The following PTGES3 variants were observed in gnomAD, a reference collection of about 807,000 sequenced individuals.
PTGES3 encodes the protein Hsp90 co-chaperone.
PTGES3 carries 5 observed loss-of-function variants against 29.9 expected under a neutral mutation model. The ratio of observed to expected loss-of-function variants is 0.17; its 90% CI spans 0.09 to 0.35. The LOEUF is 0.35. PTGES3 is among the 10% of genes least tolerant of loss of function. PTGES3 has a pLI of 1.00. For synonymous variants in PTGES3, 49 were observed against 57.8 expected (o/e 0.85, Z 0.69); for missense variants, 128 against 190.0 (o/e 0.67, Z 1.92).
intron 5 of PTGES3, among the ~76,000 whole-genome samples, chr12:56,667,957 A>G (rs1460128366): frequency 2.6e-5 from 4 of 152,102 alleles, no homozygotes; most frequent in African/African-American, 9.7e-5. Flanking sequence ...AAAATACAAA[A>G]ATTAGCCGGG....
At position 56,664,255 on chromosome 12, in the gene PTGES3, A is replaced by G. The variant is rs1223636936; in HGVS notation, c.*224T>C. On this transcript the variant is annotated 3_prime_UTR_variant, in exon 8 of 8. Coordinates refer to ENST00000262033, the MANE Select transcript of PTGES3 (RefSeq NM_006601.7). ...CTTCATGAAAGTCTGGGAAATGTTC[A>G]TGCATAAGGTTATTGCCTTAGCTGA... 9.9e-5 allele frequency: 43 copies of G among 433,388 alleles called. No homozygotes were observed. Among genetic ancestry groups the G allele is most frequent in the Admixed American group, 4.6e-4 (10 of 21,868 alleles). 26.8% of individuals were successfully genotyped at this position (433,388 alleles called of 1,614,324 possible). A position where few individuals can be genotyped will look rare whatever the true frequency, so the allele number is the denominator to read the frequency against.
At chr12:56,678,571 A>T (rs910369887) in intron 1 of PTGES3, among the ~76,000 whole-genome samples, 1 of 152,192 alleles carries the variant, frequency 6.6e-6, no homozygotes, top group Admixed American at 6.6e-5. Context: ...AACTGTTTCC[A>T]TCTAGCTTCT....
At chr12:56,675,568 G>A (rs973905410) in intron 1 of PTGES3, among the ~76,000 whole-genome samples, 1 of 150,520 alleles carries the variant, frequency 6.6e-6, no homozygotes, top group Non-Finnish European at 1.5e-5. Flanking sequence ...GATATTTGTG[G>A]CCTGCAAAGC....
chr12:56,665,247 T>TA, intron 6 of PTGES3: 1 of 985,290 alleles, frequency 1.0e-6, no homozygotes, highest in Non-Finnish European at 1.2e-6. Context: ...GAAAAGTAGT[T>TA]TAGTGTATCT....
At position 56,688,202 on chromosome 12, in the gene PTGES3, G is replaced by A; in HGVS notation, c.-203C>T. On this transcript the variant is annotated 5_prime_UTR_variant, in exon 1 of 8. Transcript: ENST00000262033. ...ACCGCGCGGAAAGAGCGGCTCCTCC[G>A]GTCGGGGAGAAGAGGAAAGTGTAGG... 2 of 937,902 alleles carry A rather than the reference G, an allele frequency of 2.1e-6. No individual in the cohort carries two copies. The highest frequency in any genetic ancestry group is 1.7e-5 in the African/African-American group (1 of 57,234). The allele number at this position is 937,902 out of a possible 1,614,324, so 58.1% of individuals were successfully genotyped here.
intron 1 of PTGES3, among the ~76,000 whole-genome samples, chr12:56,673,893 G>A (rs543890945): frequency 1.2e-4 from 18 of 152,036 alleles, no homozygotes; most frequent in Non-Finnish European, 1.5e-5. Context: ...ACTTGAACCC[G>A]GGAGGTGGAG....
intron 1 of PTGES3, among the ~76,000 whole-genome samples, chr12:56,685,846 T>C (rs570434910): frequency 1.4e-5 from 2 of 144,796 alleles, no homozygotes; most frequent in African/African-American, 5.1e-5. Context: ...GCGCAATCTC[T>C]GCTCACTGAA....
chr12:56,668,850 A>ATC (rs1951882680), intron 5 of PTGES3, among the ~76,000 whole-genome samples: 1 of 152,136 alleles, frequency 6.6e-6, no homozygotes, highest in Non-Finnish European at 1.5e-5. Context: ...TTCTGTACTT[A>ATC]GTTTTATTCT....
At chr12:56,671,958 C>T (rs1350350911) in intron 3 of PTGES3, 111 bp from the exon 4 acceptor site, 4 of 571,388 alleles carry the variant, frequency 7.0e-6, no homozygotes, top group Non-Finnish European at 1.1e-5. Context: ...TTTCTCTGGA[C>T]TCTGAAACAT....
At chr12:56,673,412 T>C (rs1952083408) in intron 1 of PTGES3, among the ~76,000 whole-genome samples, 4 of 144,940 alleles carry the variant, frequency 2.8e-5, no homozygotes, top group South Asian at 2.2e-4. Flanking sequence ...GGTGGGTCAC[T>C]TGAGGCCAGG....
intron 1 of PTGES3, among the ~76,000 whole-genome samples, chr12:56,684,314 T>C (rs1952724703): frequency 6.6e-6 from 1 of 152,186 alleles, no homozygotes; most frequent in South Asian, 2.1e-4. Flanking sequence ...CAGTTTCTAC[T>C]GCCTTCTAGT....
rs1951704918 is a variant in PTGES3 at position 56,664,085 on chromosome 12, A to T, written c.*394T>A. On this transcript the variant is annotated 3_prime_UTR_variant, in exon 8 of 8. Coordinates refer to ENST00000262033, the MANE Select transcript of PTGES3 (RefSeq NM_006601.7). Reference sequence around the variant, plus strand: ...ATTTGTTCCAGTCACTTTTGAATCCATGTTCTATAATCTAAAATTTATTCT... The same window carrying T: ...ATTTGTTCCAGTCACTTTTGAATCCTTGTTCTATAATCTAAAATTTATTCT... 1 of 166,462 alleles carries T rather than the reference A, an allele frequency of 6.0e-6. No homozygotes were observed. Among genetic ancestry groups the T allele is most frequent in the Admixed American group, 6.5e-5 (1 of 15,432 alleles). The allele number at this position is 166,462 out of a possible 1,614,324, so 10.3% of individuals were successfully genotyped here. A position where few individuals can be genotyped will look rare whatever the true frequency, so the allele number is the denominator to read the frequency against.
chr12:56,679,827 A>G (rs1028513734), intron 1 of PTGES3, among the ~76,000 whole-genome samples: 1 of 151,958 alleles, frequency 6.6e-6, no homozygotes, highest in African/African-American at 2.4e-5. Context: ...GGTGCCTGCC[A>G]CCATGCCCGG....
chr12:56,664,857 C>A, intron 6 of PTGES3, 57 bp from the exon 7 acceptor site: 4 of 1,579,620 alleles, frequency 2.5e-6, no homozygotes, highest in Non-Finnish European at 3.4e-6. Flanking sequence ...GCTAACTGAA[C>A]AGTTTACCTA....
At position 56,684,807 on chromosome 12, in the gene PTGES3, C is replaced by T. The variant is rs570149750; in HGVS notation, c.2+3191G>A. ...TCCAAGATAGGTCCGAAATTAAGAG[C>T]TTTTATGTAAATTATGAGACAAACT... On this transcript the variant is annotated intron_variant, in intron 1 of 7. Coordinates refer to ENST00000262033, the MANE Select transcript of PTGES3 (RefSeq NM_006601.7). 5.3e-5 allele frequency among the ~76,000 whole-genome samples: 8 copies of T among 152,236 alleles called. No individual in the cohort carries two copies. The South Asian group carries it at 1.7e-3, about 32-fold the overall frequency.
At chr12:56,669,254 G>A (rs1951904554) in intron 5 of PTGES3, among the ~76,000 whole-genome samples, 3 of 152,038 alleles carry the variant, frequency 2.0e-5, no homozygotes, top group African/African-American at 7.2e-5. Flanking sequence ...GAGTGCAATA[G>A]CGATCTCGGC....
At chr12:56,682,322 G>A (rs1190315503) in intron 1 of PTGES3, among the ~76,000 whole-genome samples, 3 of 152,140 alleles carry the variant, frequency 2.0e-5, no homozygotes, top group Non-Finnish European at 2.9e-5. Context: ...ACTCTGGGAG[G>A]CTGAGGAGGG....
intron 1 of PTGES3, among the ~76,000 whole-genome samples, chr12:56,683,473 C>CAAAA (rs71081388): frequency 0.032 from 960 of 29,732 alleles, 175 homozygotes; most frequent in African/African-American, 0.064. Context: ...AACTCTGTCT[C>CAAAA]AAAAAAAAAA....
At chr12:56,679,547 T>C (rs1287293030) in intron 1 of PTGES3, among the ~76,000 whole-genome samples, 1 of 152,106 alleles carries the variant, frequency 6.6e-6, no homozygotes. Context: ...TTAAAATGAA[T>C]TAACAGTCTT....
Sources: allele counts gnomAD v4.1 joint callset (sites outside exome capture counted in the v4.1 genomes callset), GRCh38; gene constraint gnomAD v4.1.1; transcripts MANE v1.5; gene names NCBI Gene and HGNC (gene_info 2026-07-23, HGNC 2026-07-21).